Variants in RSRC1 observed in about 807,000 individuals in gnomAD.
RSRC1 encodes the protein arginine and serine rich coiled-coil 1, also known as serine/Arginine-related protein 53.
A neutral mutation model predicts 49.1 loss-of-function variants in RSRC1; 39 were observed. The observed-to-expected ratio is 0.79, with a 90% CI of 0.61 to 1.04. The LOEUF (loss-of-function observed/expected upper bound fraction) is 1.04, where lower values mean the gene tolerates loss of function less well. Ranked by LOEUF, RSRC1 falls within the 50% of genes least tolerant of loss-of-function variation. The pLI, the probability that RSRC1 is intolerant of heterozygous loss-of-function variation, is 0.00. For missense variants in RSRC1, 388 were observed against 402.4 expected (o/e 0.96, Z 0.31); for synonymous variants, 143 against 130.8 (o/e 1.09, Z -0.63).
At chr3:158,279,931 G>A (rs536168565) in intron 4 of RSRC1, among the ~76,000 whole-genome samples, 3 of 152,306 alleles carry the variant, frequency 2.0e-5, no homozygotes, top group Admixed American at 2.0e-4. Flanking sequence ...AAAACTGACA[G>A]GAAAAGAAGA....
At chr3:158,388,034 A>C (rs1733056330) in intron 6 of RSRC1, among the ~76,000 whole-genome samples, 1 of 152,168 alleles carries the variant, frequency 6.6e-6, no homozygotes. Context: ...ATAAGTATCA[A>C]GAAGTAATAA....
At chr3:158,297,126 A>G (rs1727280357) in intron 4 of RSRC1, among the ~76,000 whole-genome samples, 2 of 152,042 alleles carry the variant, frequency 1.3e-5, no homozygotes, top group South Asian at 2.1e-4. Flanking sequence ...ACTTTCTGCA[A>G]TGTGGTAGGA....
At chr3:158,282,698 G>A (rs1726253913) in intron 4 of RSRC1, among the ~76,000 whole-genome samples, 1 of 152,130 alleles carries the variant, frequency 6.6e-6, no homozygotes, top group Admixed American at 6.6e-5. Flanking sequence ...ATTGGTTCTT[G>A]TACAATAAAT....
intron 6 of RSRC1, among the ~76,000 whole-genome samples, chr3:158,360,697 G>T (rs1158659812): frequency 2.0e-5 from 3 of 152,212 alleles, no homozygotes; most frequent in African/African-American, 4.8e-5. Context: ...ACCTAGGCTT[G>T]GTCCCAACCC....
chr3:158,212,927 AT>A (rs752062213), intron 4 of RSRC1, among the ~76,000 whole-genome samples: 1 of 151,962 alleles, frequency 6.6e-6, no homozygotes, highest in African/African-American at 2.4e-5. Flanking sequence ...TTTTTTTAAA[AT>A]TCGAGTTTAT....
chr3:158,267,358 T>C (rs1329208552), intron 4 of RSRC1, among the ~76,000 whole-genome samples: 1 of 152,168 alleles, frequency 6.6e-6, no homozygotes, highest in Non-Finnish European at 1.5e-5. Context: ...AAGCTCACTT[T>C]TCAGTGAGCT....
chr3:158,401,409 CTTTG>C (rs1733888108), intron 6 of RSRC1, among the ~76,000 whole-genome samples: 1 of 151,954 alleles, frequency 6.6e-6, no homozygotes, highest in Non-Finnish European at 1.5e-5. Context: ...CCATTTATTT[CTTTG>C]TTTATTTATT....
intron 3 of RSRC1, among the ~76,000 whole-genome samples, chr3:158,171,863 A>T (rs1173224532): frequency 6.6e-6 from 1 of 152,138 alleles, no homozygotes; most frequent in Middle Eastern, 3.4e-3. Context: ...AGGTGGGAGG[A>T]TGACATGAAT....
At chr3:158,119,905 A>G (rs1340861443) in intron 1 of RSRC1, among the ~76,000 whole-genome samples, 5 of 139,848 alleles carry the variant, frequency 3.6e-5, no homozygotes, top group Non-Finnish European at 7.5e-5. Flanking sequence ...ATCTCGGCTC[A>G]CTGCAACCTC....
chr3:158,142,306 T>G (rs1465744004), intron 3 of RSRC1, among the ~76,000 whole-genome samples: 4 of 152,224 alleles, frequency 2.6e-5, no homozygotes, highest in Non-Finnish European at 4.4e-5. Flanking sequence ...ATCTTCATAT[T>G]AGAAGATTTC....
chr3:158,202,061 C>G (rs192401589), intron 3 of RSRC1, among the ~76,000 whole-genome samples: 439 of 152,272 alleles, frequency 2.9e-3, no homozygotes, highest in African/African-American at 0.01. Flanking sequence ...GTCACCCAGG[C>G]TGGAGTGCAG....
chr3:158,275,523 C>T (rs1222272610), intron 4 of RSRC1, among the ~76,000 whole-genome samples: 1 of 152,136 alleles, frequency 6.6e-6, no homozygotes, highest in Non-Finnish European at 1.5e-5. Flanking sequence ...AGTTTCAGTA[C>T]TCCTCTTTTA....
chr3:158,317,620 G>T (rs1728533320), intron 5 of RSRC1, among the ~76,000 whole-genome samples: 3 of 151,964 alleles, frequency 2.0e-5, no homozygotes, highest in Admixed American at 2.0e-4. Flanking sequence ...GTTCAGTGGT[G>T]TGATGTTGGC....
At chr3:158,475,685 C>A (rs188717472) in intron 7 of RSRC1, among the ~76,000 whole-genome samples, 1 of 151,714 alleles carries the variant, frequency 6.6e-6, no homozygotes, top group African/African-American at 2.4e-5. Flanking sequence ...AATAGGTAAG[C>A]GTTGTGTGTG....
intron 7 of RSRC1, among the ~76,000 whole-genome samples, chr3:158,499,250 G>A (rs1428634808): frequency 5.9e-5 from 9 of 152,158 alleles, no homozygotes; most frequent in East Asian, 1.9e-4. Flanking sequence ...GGTGGCACGC[G>A]CCTGTAATCC....
chr3:158,510,955 A>G (rs1740133962), intron 7 of RSRC1, among the ~76,000 whole-genome samples: 1 of 152,196 alleles, frequency 6.6e-6, no homozygotes, highest in Non-Finnish European at 1.5e-5. Flanking sequence ...CATTGACTCC[A>G]TAGATTTATT....
intron 5 of RSRC1, among the ~76,000 whole-genome samples, chr3:158,310,198 T>C (rs1371388613): frequency 6.6e-6 from 1 of 151,642 alleles, no homozygotes; most frequent in Non-Finnish European, 1.5e-5. Context: ...AAAAGCACCT[T>C]ACTTTTTTCT....
chr3:158,150,326 C>T (rs912052853), intron 3 of RSRC1, among the ~76,000 whole-genome samples: 3 of 152,146 alleles, frequency 2.0e-5, no homozygotes, highest in Admixed American at 6.5e-5. Flanking sequence ...CCTTTGTCCC[C>T]ATAGCATAAA....
intron 5 of RSRC1, among the ~76,000 whole-genome samples, chr3:158,325,311 A>T (rs1286765731): frequency 2.0e-5 from 3 of 152,086 alleles, no homozygotes; most frequent in Non-Finnish European, 4.4e-5. Flanking sequence ...CCCATGCCTA[A>T]GTCCTGAATA....
Sources: allele counts gnomAD v4.1 joint callset (sites outside exome capture counted in the v4.1 genomes callset), GRCh38; gene constraint gnomAD v4.1.1; transcripts MANE v1.5; gene names NCBI Gene and HGNC (gene_info 2026-07-23, HGNC 2026-07-21).